KMT2A: variants seen among roughly 807,000 people sequenced by gnomAD.
KMT2A encodes the protein histone-lysine N-methyltransferase 2A.
A neutral mutation model predicts 345.3 loss-of-function variants in KMT2A; 16 were observed. The ratio of observed to expected loss-of-function variants is 0.05; its 90% CI spans 0.03 to 0.07. KMT2A has a LOEUF of 0.07. Among genes scored for constraint, KMT2A ranks in the 10% least tolerant of loss-of-function variants. The pLI, the probability that KMT2A is intolerant of heterozygous loss-of-function variation, is 1.00. For missense variants in KMT2A, 3,272 were observed against 4,841.6 expected (o/e 0.68, Z 9.62); for synonymous variants, 1,599 against 1,778.6 (o/e 0.90, Z 2.54).
rs1950150630 is a variant in KMT2A, at chr11:118,482,426, A to G, written c.4017A>G (p.Pro1339=). Residue 1339 remains proline (P), a synonymous_variant, in exon 8 of 36, where the codon CCA becomes CCG. Transcript: ENST00000534358. ...KKQPPPPESG[P]EQSKQKKVAP... ...AATTTATTCTGAATTTTTTAGGTCC[A>G]GAGCAGAGCAAACAGAAAAAAGTGG... 1 of 1,612,878 alleles carries G rather than the reference A, an allele frequency of 6.2e-7. No homozygotes were observed. Among genetic ancestry groups the G allele is most frequent in the Non-Finnish European group, 8.5e-7 (1 of 1,179,362 alleles).
In KMT2A at chr11:118,472,415, C is replaced by T. The variant is rs1949958267; in HGVS notation, c.1256C>T (p.Ser419Leu). The change falls in exon 3 of 36, where the codon TCG becomes TTG. Residue 419 changes from serine to leucine, a missense_variant. Physicochemically the swap from Ser to Leu is moderately radical, Grantham distance 145 (BLOSUM62 -2). Around this residue, in one of 27 missense-constraint regions of KMT2A, gnomAD observed 9 missense variants for 36.7 expected, o/e 0.25. Coordinates refer to ENST00000534358, the MANE Select transcript of KMT2A (RefSeq NM_001197104.2). ...FIMPVVSAISSRIIKTPRRFI... is the reference protein window; with the variant it reads ...FIMPVVSAISLRIIKTPRRFI... ...ATGCCTGTTGTCAGTGCTATCTCCT[C>T]GCGGATCATTAAGACCCCTCGGCGG... is the stretch of plus-strand genomic sequence containing the variant. 1.2e-6 allele frequency: 2 copies of T among 1,613,872 alleles called. No homozygotes were observed. Among genetic ancestry groups the T allele is most frequent in the Non-Finnish European group, 1.7e-6 (2 of 1,180,006 alleles).
rs1307376495 is a variant in KMT2A, at chr11:118,476,751, G to C, written c.3157-54G>C. Reference sequence around the variant, plus strand: ...ATTAAGTATACCTTGGCTTCGTTCAGTTATAATTTCAACATGTATGGTTGT... The same window carrying C: ...ATTAAGTATACCTTGGCTTCGTTCACTTATAATTTCAACATGTATGGTTGT... On this transcript the variant is annotated intron_variant, in intron 3 of 35. Transcript: ENST00000534358. This position sits in a 1 kb window ranked among gnomAD's most constrained non-coding sequence, Gnocchi z 4.1. 2.7e-6 allele frequency: 4 copies of C among 1,483,886 alleles called. No homozygotes were observed. In the East Asian group the frequency reaches 6.9e-5, roughly 26 times the overall value. The allele number at this position is 1,483,886 out of a possible 1,614,324, so 91.9% of individuals were successfully genotyped here.
intron 31 of KMT2A, among the ~76,000 whole-genome samples, chr11:118,513,595 A>G (rs1565312486): frequency 6.6e-6 from 1 of 152,040 alleles, no homozygotes; most frequent in Non-Finnish European, 1.5e-5. Flanking sequence ...AAAGAGAAAA[A>G]GACCCAACAG....
chr11:118,477,011 G>A lies in KMT2A; in HGVS notation c.3334+29G>A, dbSNP rs201653626. On this transcript the variant is annotated intron_variant, in intron 4 of 35. Coordinates refer to ENST00000534358, the MANE Select transcript of KMT2A (RefSeq NM_001197104.2). The stretch of plus-strand genomic sequence containing the variant: ...GGTCAAGAAGGTCAATCTTGGAGTC[G>A]GAACAGACTTTTGATTTGTTTGTTG... 1.4e-4 allele frequency: 232 copies of A among 1,608,804 alleles called. 8 individuals are homozygous for A. The South Asian group carries it at 2.0e-3, about 14-fold the overall frequency.
rs1555048284 is a variant in KMT2A at position 118,506,190 on chromosome 11, C to T, written c.10298C>T (p.Pro3433Leu). ...ITAASSICVL[P>L]STQTTGITAA... is the part of the protein sequence containing the mutation. The stretch of plus-strand genomic sequence containing the variant: ...GCGGCATCTAGCATCTGTGTGCTCC[C>T]CTCCACTCAGACTACGGGCATAACA... The change falls in exon 27 of 36, where the codon CCC becomes CTC. Residue 3433 changes from proline to leucine, a missense_variant. Physicochemically the swap from Pro to Leu is moderately conservative, Grantham distance 98. Coordinates refer to ENST00000534358, the MANE Select transcript of KMT2A (RefSeq NM_001197104.2). The T allele has an allele frequency of 6.2e-7, 1 of 1,614,134 alleles. No individual in the cohort carries two copies.
In KMT2A at chr11:118,503,488, G is replaced by A; in HGVS notation, c.7596G>A (p.Met2532Ile). 6.2e-7 allele frequency: 1 copy of A among 1,614,134 alleles called. No homozygotes were observed. Among genetic ancestry groups the A allele is most frequent in the Non-Finnish European group, 8.5e-7 (1 of 1,180,012 alleles). Reference sequence around the variant, plus strand: ...AAGTGACACTGACACCTCTAAAAATGGAAAATGAGAGTCAATCCAAAAATG... The same window carrying A: ...AAGTGACACTGACACCTCTAAAAATAGAAAATGAGAGTCAATCCAAAAATG... ...TVKVTLTPLKMENESQSKNAL... is the reference protein window; with the variant it reads ...TVKVTLTPLKIENESQSKNAL... The change falls in exon 27 of 36, where the codon ATG becomes ATA. Residue 2532 changes from methionine (M) to isoleucine (I), a missense_variant. Around this residue, in one of 27 missense-constraint regions of KMT2A, gnomAD observed 445 missense variants for 500.9 expected, o/e 0.89. Transcript: ENST00000534358. The surrounding 1 kb of genome is among the most constrained non-coding windows in gnomAD (Gnocchi z 5.3).
At chr11:118,509,817 A>C in intron 29 of KMT2A, 131 bp from the exon 30 acceptor site, 5 of 649,676 alleles carry the variant, frequency 7.7e-6, no homozygotes, top group Non-Finnish European at 1.2e-5. Context: ...TTTGTTATCT[A>C]TAAATGGGAA....
Position 118,519,965 on chromosome 11 carries a change from C to T in KMT2A, c.11330C>T (p.Ala3777Val). The part of the protein sequence containing the change: ...ARAEVHLRKS[A>V]FDMFNFLASK... ...TAATCTTTTGGCCCCAGGAAGTCAG[C>T]ATTTGACATGTTTAACTTCCTGGCT... Residue 3777 changes from alanine (A) to valine (V), a missense_variant, in exon 33 of 36, where the codon GCA becomes GTA. Physicochemically the swap from Ala to Val is moderately conservative, Grantham distance 64. Transcript: ENST00000534358. 1 of 1,613,036 alleles carries T rather than the reference C, an allele frequency of 6.2e-7. No homozygotes were observed. Among genetic ancestry groups the T allele is most frequent in the Non-Finnish European group, 8.5e-7 (1 of 1,179,064 alleles).
chr11:118,473,811 T>A lies in KMT2A; in HGVS notation c.2652T>A (p.Asn884Lys). 1 of 1,613,870 alleles carries A rather than the reference T, an allele frequency of 6.2e-7. No homozygotes were observed. The highest frequency in any genetic ancestry group is 1.1e-5 in the South Asian group (1 of 91,062). The change falls in exon 3 of 36, where the codon AAT becomes AAA. Residue 884 changes from asparagine to lysine, a missense_variant. Physicochemically the swap from Asn to Lys is moderately conservative, Grantham distance 94 (BLOSUM62 0). Transcript: ENST00000534358. The surrounding 1 kb of genome is among the most constrained non-coding windows in gnomAD (Gnocchi z 5.2). ...RERDREREKENKRESRKEKRK... is the reference protein window; with the variant it reads ...RERDREREKEKKRESRKEKRK... ...GAGACCGGGAGAGAGAAAAGGAGAA[T>A]AAGCGGGAGTCAAGGAAAGAGAAAA...
At chr11:118,448,852 C>G (rs1949473631) in intron 1 of KMT2A, 1 of 152,102 alleles carries the variant, frequency 6.6e-6, no homozygotes, top group Admixed American at 6.5e-5. Flanking sequence ...AGTTTGACTC[C>G]TTAATTATAA....
intron 24 of KMT2A, among the ~76,000 whole-genome samples, chr11:118,500,426 T>C (rs1950482043): frequency 6.6e-6 from 1 of 152,120 alleles, no homozygotes; most frequent in South Asian, 2.1e-4. Flanking sequence ...CGCGTTGGAG[T>C]CTCATTTTGC....
intron 5 of KMT2A, among the ~76,000 whole-genome samples, chr11:118,478,840 C>T (rs1555038395): frequency 6.6e-6 from 1 of 152,090 alleles, no homozygotes; most frequent in African/African-American, 2.4e-5. Context: ...ACTGCCAACA[C>T]TGAACTCCTA....
At chr11:118,462,236 G>A (rs1457193735) in intron 1 of KMT2A, among the ~76,000 whole-genome samples, 2 of 152,112 alleles carry the variant, frequency 1.3e-5, no homozygotes, top group Non-Finnish European at 2.9e-5. Context: ...TTACAGGTGT[G>A]AACCACCATG....
rs782645001 is a variant in KMT2A at position 118,523,675 on chromosome 11, C to T, written c.*1503C>T. On this transcript the variant is annotated 3_prime_UTR_variant, in exon 36 of 36. Transcript: ENST00000534358. ...GTATTATCCTAATTTAAAAGAAGAT[C>T]GGTTTTTAATAATTTTTTATTTTCA... 4 of 227,144 alleles carry T rather than the reference C, an allele frequency of 1.8e-5. No individual in the cohort carries two copies. Among genetic ancestry groups the T allele is most frequent in the East Asian group, 1.3e-4 (2 of 15,662 alleles). The allele number at this position is 227,144 out of a possible 1,614,324, so 14.1% of individuals were successfully genotyped here.
chr11:118,514,472 A>C (rs1215429537), intron 31 of KMT2A, among the ~76,000 whole-genome samples: 2 of 148,168 alleles, frequency 1.3e-5, no homozygotes, highest in Admixed American at 6.7e-5. Flanking sequence ...ACAGAGTCTT[A>C]CTCTGTCACC....
intron 28 of KMT2A, among the ~76,000 whole-genome samples, chr11:118,507,932 C>T (rs1488444170): frequency 1.3e-5 from 2 of 152,176 alleles, no homozygotes; most frequent in Admixed American, 6.5e-5. Context: ...CACTGCACTC[C>T]AGCCTGGGCG....
rs550009614 is a variant in KMT2A, at chr11:118,521,653, T to C, written c.11643+236T>C. Among the ~76,000 whole-genome samples the C allele has an allele frequency of 1.3e-5, 2 of 152,264 alleles. No individual in the cohort carries two copies. Among genetic ancestry groups the C allele is most frequent in the East Asian group, 3.9e-4 (2 of 5,186 alleles). On this transcript the variant is annotated intron_variant, in intron 35 of 35. Coordinates refer to ENST00000534358, the MANE Select transcript of KMT2A (RefSeq NM_001197104.2). The surrounding 1 kb of genome is among the most constrained non-coding windows in gnomAD (Gnocchi z 5.3). ...AGTGGCTCCTAGTATCAGAAGCAAA[T>C]AGCTATACAAGTTTTAGGTTTCTCT...
Position 118,504,895 on chromosome 11 carries a change from C to T in KMT2A, c.9003C>T (p.His3001=), listed in dbSNP as rs781895419. ...CTCCTGATCATTTTATCCAAGGACA[C>T]ATGGATGCAGACCACATCTCTAGCC... ...HMTPDHFIQG[H]MDADHISSPP... is the part of the protein sequence containing the mutation. Residue 3001 remains histidine (H), a synonymous_variant, in exon 27 of 36, where the codon CAC becomes CAT. Coordinates refer to ENST00000534358, the MANE Select transcript of KMT2A (RefSeq NM_001197104.2). The surrounding 1 kb of genome is among the most constrained non-coding windows in gnomAD (Gnocchi z 6.4). 1 of 1,614,072 alleles carries T rather than the reference C, an allele frequency of 6.2e-7. No homozygotes were observed. The highest frequency in any genetic ancestry group is 8.5e-7 in the Non-Finnish European group (1 of 1,180,048).
chr11:118,512,031 G>A lies in KMT2A; in HGVS notation c.11146+6G>A, dbSNP rs1308706942. The stretch of plus-strand genomic sequence containing the variant: ...AAAGCAGCTCTCATTTGCAGGTAAT[G>A]GCTGGAGGTGTTATTCCACTCCTGT... On this transcript the variant is annotated splice_donor_region_variant and intron_variant, in intron 31 of 35. Coordinates refer to ENST00000534358, the MANE Select transcript of KMT2A (RefSeq NM_001197104.2). 2.5e-6 allele frequency: 4 copies of A among 1,612,360 alleles called. No homozygotes were observed. In the African/African-American group the frequency reaches 4.0e-5, roughly 16 times the overall value.
Sources: gnomAD v4.1 joint callset for allele counts (sites outside exome capture counted in the v4.1 genomes callset) on GRCh38, gnomAD v4.1.1 for gene constraint, gnomAD v4.1.1 regional missense constraint, Gnocchi (gnomAD v3.1) non-coding constraint, MANE v1.5 for transcripts, NCBI Gene and HGNC (gene_info 2026-07-23, HGNC 2026-07-21) for gene names.